Variants in PDE11A observed in about 807,000 individuals in gnomAD.
PDE11A encodes dual 3',5'-cyclic-AMP and -GMP phosphodiesterase 11A.
PDE11A carries 100 observed loss-of-function variants against 100.5 expected under a neutral mutation model. The observed-to-expected ratio is 1.00, with a 90% CI of 0.85 to 1.18. The LOEUF is 1.18. Ranked by LOEUF, PDE11A falls within the 50% of genes most tolerant of loss-of-function variation. The pLI, the probability that PDE11A is intolerant of heterozygous loss-of-function variation, is 0.00. For missense variants in PDE11A, 1,141 were observed against 1,152.6 expected, an observed-to-expected ratio of 0.99 and a Z score of 0.15; for synonymous variants, 381 against 420.8, an observed-to-expected ratio of 0.91 and a Z score of 1.16.
intron 10 of PDE11A, among the ~76,000 whole-genome samples, chr2:177,755,355 C>A (rs2082077035): frequency 6.6e-6 from 1 of 152,126 alleles, no homozygotes; most frequent in Non-Finnish European, 1.5e-5. Context: ...GCAGACAGAG[C>A]GATCACTTGT....
rs71010857 is a variant in PDE11A, at chr2:178,096,169, C to CTTTTTTTTTTTTTTTTTTTTT, written c.162+8132_162+8133insAAAAAAAAAAAAAAAAAAAAA. On this transcript the variant is annotated intron_variant, in intron 2 of 20. Transcript: ENST00000358450. ...AGAAAACAGGTTTTTCTTTTCTTTT[C>CTTTTTTTTTTTTTTTTTTTTT]TTTTTTTTTTTTGAGATGGAGTCTC... 4.0e-3 allele frequency among the ~76,000 whole-genome samples: 482 copies of CTTTTTTTTTTTTTTTTTTTTT among 119,996 alleles called. 20 individuals carry two copies. The highest frequency in any genetic ancestry group is 6.7e-3 in the Non-Finnish European group (377 of 56,676). The allele number at this position is 119,996 out of a possible 152,430, so 78.7% of individuals were successfully genotyped here.
intron 8 of PDE11A, among the ~76,000 whole-genome samples, chr2:177,817,478 C>A (rs1033764786): frequency 6.6e-6 from 1 of 152,102 alleles, no homozygotes; most frequent in African/African-American, 2.4e-5. Flanking sequence ...AGCTAGAGCG[C>A]CTGGAGTGAA....
intron 2 of PDE11A, among the ~76,000 whole-genome samples, chr2:177,992,998 A>C (rs761500060): frequency 3.9e-5 from 6 of 152,162 alleles, no homozygotes; most frequent in Admixed American, 6.5e-5. Context: ...ACACTCCACT[A>C]TCTGTGAGAA....
At chr2:177,771,629 GA>G (rs1390245365) in intron 9 of PDE11A, among the ~76,000 whole-genome samples, 1 of 152,066 alleles carries the variant, frequency 6.6e-6, no homozygotes, top group Non-Finnish European at 1.5e-5. Context: ...TTTTTAATTG[GA>G]AAAAAATTAC....
intron 6 of PDE11A, among the ~76,000 whole-genome samples, chr2:177,835,985 C>G (rs1430617127): frequency 6.6e-6 from 1 of 152,214 alleles, no homozygotes. Context: ...CTGCCCGAGC[C>G]TCCCCGACGA....
intron 1 of PDE11A, among the ~76,000 whole-genome samples, chr2:178,070,416 C>G (rs2087110822): frequency 6.6e-6 from 1 of 152,136 alleles, no homozygotes; most frequent in Admixed American, 6.5e-5. Context: ...CCTTCCCACT[C>G]TTTTTGCTAT....
intron 9 of PDE11A, among the ~76,000 whole-genome samples, chr2:177,792,795 G>A (rs757977370): frequency 5.3e-5 from 8 of 152,186 alleles, no homozygotes; most frequent in Non-Finnish European, 1.0e-4. Context: ...GGGATGTACC[G>A]ATGAATGAAC....
intron 19 of PDE11A, among the ~76,000 whole-genome samples, chr2:177,634,110 C>A (rs1336288000): frequency 2.6e-5 from 4 of 152,146 alleles, no homozygotes; most frequent in African/African-American, 9.7e-5. Context: ...ATCATTCCAC[C>A]AATTTATTCC....
intron 2 of PDE11A, among the ~76,000 whole-genome samples, chr2:177,939,705 A>G (rs1007968928): frequency 1.3e-5 from 2 of 152,256 alleles, no homozygotes; most frequent in Non-Finnish European, 2.9e-5. Context: ...GGGAAGCATT[A>G]CAGGGCAAAT....
intron 14 of PDE11A, among the ~76,000 whole-genome samples, chr2:177,697,923 G>A (rs1367163774): frequency 6.6e-6 from 1 of 152,188 alleles, no homozygotes; most frequent in African/African-American, 2.4e-5. Flanking sequence ...GCTGGGGGCC[G>A]TTTTGACAAT....
At chr2:177,633,208 C>A (rs545446182) in intron 19 of PDE11A, among the ~76,000 whole-genome samples, 1 of 152,316 alleles carries the variant, frequency 6.6e-6, no homozygotes, top group East Asian at 1.9e-4. Flanking sequence ...AAAAGGTGAA[C>A]ATATCATTAA....
chr2:177,920,687 T>G (rs1574279717), intron 2 of PDE11A, among the ~76,000 whole-genome samples: 1 of 152,180 alleles, frequency 6.6e-6, no homozygotes, highest in African/African-American at 2.4e-5. Context: ...TATTTATTAT[T>G]TATTATCACC....
chr2:177,646,798 A>G (rs1275522992), intron 19 of PDE11A, among the ~76,000 whole-genome samples: 1 of 152,234 alleles, frequency 6.6e-6, no homozygotes, highest in South Asian at 2.1e-4. Flanking sequence ...TGCATCTTTT[A>G]TCTTTGACTC....
chr2:177,688,688 T>C (rs575936407), intron 15 of PDE11A, among the ~76,000 whole-genome samples: 7 of 152,234 alleles, frequency 4.6e-5, no homozygotes, highest in African/African-American at 1.4e-4. Flanking sequence ...ATCAGATATG[T>C]TTTTATTAGG....
intron 3 of PDE11A, among the ~76,000 whole-genome samples, chr2:177,900,631 G>T (rs1358593121): frequency 6.6e-6 from 1 of 152,114 alleles, no homozygotes; most frequent in Non-Finnish European, 1.5e-5. Context: ...GGTAGTGCAT[G>T]CCTGTAGTCC....
intron 4 of PDE11A, among the ~76,000 whole-genome samples, chr2:177,884,442 C>G (rs562408826): frequency 6.6e-6 from 1 of 152,242 alleles, no homozygotes; most frequent in African/African-American, 2.4e-5. Context: ...TCTTCATTGT[C>G]TGGTGCATTT....
At chr2:177,771,027 T>A (rs1013913739) in intron 9 of PDE11A, among the ~76,000 whole-genome samples, 1 of 152,176 alleles carries the variant, frequency 6.6e-6, no homozygotes, top group Non-Finnish European at 1.5e-5. Context: ...AGGTGTCTCA[T>A]CATGTTTTCC....
At position 177,862,972 on chromosome 2, in the gene PDE11A, A is replaced by G. The variant is rs557375978; in HGVS notation, c.1367+12887T>C. ...AGTAATAAAACAGTAAGATATTGACATAAAAACTGACACACAAGCCAGTGG... is the reference window on the plus strand; with the variant it reads ...AGTAATAAAACAGTAAGATATTGACGTAAAAACTGACACACAAGCCAGTGG... On this transcript the variant is annotated intron_variant, in intron 5 of 19. Coordinates refer to ENST00000286063, the MANE Select transcript of PDE11A (RefSeq NM_016953.4). 7.1e-4 allele frequency among the ~76,000 whole-genome samples: 108 copies of G among 152,034 alleles called. 1 individual carries two copies. The highest frequency in any genetic ancestry group is 4.6e-4 in the Non-Finnish European group (31 of 67,896).
chr2:177,663,399 T>C (rs1211719243), intron 19 of PDE11A, among the ~76,000 whole-genome samples: 1 of 151,970 alleles, frequency 6.6e-6, no homozygotes, highest in Non-Finnish European at 1.5e-5. Context: ...CCATGTTTCA[T>C]GGAATCCTCA....
Sources: allele counts gnomAD v4.1 joint callset (sites outside exome capture counted in the v4.1 genomes callset), GRCh38; gene constraint gnomAD v4.1.1; transcripts MANE v1.5; gene names NCBI Gene and HGNC (gene_info 2026-07-23, HGNC 2026-07-21).